Variants in ADGRL2 observed in about 807,000 individuals in gnomAD.
The protein encoded by ADGRL2 is adhesion G protein-coupled receptor L2.
In ADGRL2, 44 loss-of-function variants were observed where a neutral mutation model predicts 157.4. The ratio of observed to expected loss-of-function variants is 0.28; its 90% CI spans 0.22 to 0.36. The LOEUF is 0.36. ADGRL2 is among the 10% of genes least tolerant of loss of function. The pLI, the probability that ADGRL2 is intolerant of heterozygous loss-of-function variation, is 1.00. For synonymous variants in ADGRL2, 585 were observed against 624.7 expected (o/e 0.94, Z 0.95); for missense variants, 1,510 against 1,768.9 (o/e 0.85, Z 2.63).
chr1:81,338,228 TG>T (rs549845694), intron 1 of ADGRL2, among the ~76,000 whole-genome samples: 224 of 152,010 alleles, frequency 1.5e-3, no homozygotes, highest in Non-Finnish European at 2.3e-3. Flanking sequence ...CTGGACTCTG[TG>T]GTGCCAGCTT....
At chr1:81,426,943 A>G in intron 1 of ADGRL2, 1 of 723,210 alleles carries the variant, frequency 1.4e-6, no homozygotes, top group South Asian at 1.4e-5. Context: ...GACAGAGTGA[A>G]AAAAAGGAAG....
intron 3 of ADGRL2, among the ~76,000 whole-genome samples, chr1:81,597,189 T>A (rs1327537336): frequency 1.3e-5 from 2 of 152,156 alleles, no homozygotes; most frequent in African/African-American, 4.8e-5. Context: ...GAGAGGATTA[T>A]GTGGGTGTTG....
chr1:81,714,033 G>T (rs1470775384), intron 1 of ADGRL2, among the ~76,000 whole-genome samples: 2 of 152,152 alleles, frequency 1.3e-5, no homozygotes, highest in African/African-American at 4.8e-5. Context: ...GTGTGTGCAG[G>T]GGAACTGCCC....
chr1:81,323,167 A>G (rs1660651525), intron 1 of ADGRL2, among the ~76,000 whole-genome samples: 1 of 151,976 alleles, frequency 6.6e-6, no homozygotes, highest in African/African-American at 2.4e-5. Flanking sequence ...CTATAAACAT[A>G]TATTAATTGC....
At chr1:81,446,928 G>T (rs2077607803) in intron 2 of ADGRL2, among the ~76,000 whole-genome samples, 1 of 152,060 alleles carries the variant, frequency 6.6e-6, no homozygotes, top group Non-Finnish European at 1.5e-5. Context: ...TAACTAAAAT[G>T]TGGAAAATGG....
At chr1:81,405,061 TTGGAAGTTATTATGTTGACTTA>T (rs968533186) in intron 1 of ADGRL2, among the ~76,000 whole-genome samples, 5 of 152,212 alleles carry the variant, frequency 3.3e-5, no homozygotes, top group Admixed American at 6.5e-5. Flanking sequence ...TCTTCTCCAC[TTGGAAGTTATTATGTTGACTTA>T]TGGAACAGAG....
chr1:81,761,442 C>T, intron 1 of ADGRL2, among the ~76,000 whole-genome samples: 1 of 151,896 alleles, frequency 6.6e-6, no homozygotes, highest in East Asian at 1.9e-4. Context: ...TGTGAGAAAA[C>T]CATATTTTCC....
chr1:81,949,790 C>G (rs560823952), intron 6 of ADGRL2, among the ~76,000 whole-genome samples: 1 of 152,188 alleles, frequency 6.6e-6, no homozygotes, highest in South Asian at 2.1e-4. Context: ...TTTGTTAATG[C>G]TTTGAATTTG....
At chr1:81,900,462 A>T (rs151129747) in intron 2 of ADGRL2, among the ~76,000 whole-genome samples, 1,715 of 152,230 alleles carry the variant, frequency 0.011, 27 homozygotes, top group South Asian at 0.06. Context: ...TGCCATGAAG[A>T]GCTGACATGA....
rs746256625 is a variant in ADGRL2 at position 81,971,892 on chromosome 1, A to C, written c.2995A>C (p.Ile999Leu). 6.2e-7 allele frequency: 1 copy of C among 1,611,810 alleles called. No homozygotes were observed. The highest frequency in any genetic ancestry group is 1.3e-5 in the African/African-American group (1 of 74,962). The change falls in exon 17 of 24, where the codon ATT (isoleucine) becomes CTT (leucine). Residue 999 changes from isoleucine to leucine, a missense_variant. Physicochemically the swap from Ile to Leu is conservative, Grantham distance 5 (BLOSUM62 2). Transcript: ENST00000686636. ...HVDNYFIWSF[I>L]GPVTFIILLN... ...TGATAACTACTTTATATGGAGCTTC[A>C]TTGGACCTGTTACCTTCATTATTCT...
chr1:81,518,527 G>A, intron 2 of ADGRL2, among the ~76,000 whole-genome samples: 1 of 152,212 alleles, frequency 6.6e-6, no homozygotes, highest in Non-Finnish European at 1.5e-5. Context: ...CTGACTTGAT[G>A]TTAAGATAGC....
intron 2 of ADGRL2, among the ~76,000 whole-genome samples, chr1:81,885,063 A>G (rs1210469335): frequency 6.6e-6 from 1 of 152,208 alleles, no homozygotes; most frequent in Non-Finnish European, 1.5e-5. Flanking sequence ...AGTTAGAGAC[A>G]TAAAATTGCC....
chr1:81,528,510 T>G (rs922475579), intron 2 of ADGRL2, among the ~76,000 whole-genome samples: 4 of 151,534 alleles, frequency 2.6e-5, no homozygotes, highest in African/African-American at 9.7e-5. Flanking sequence ...AGCCGGGCGC[T>G]GTGGCAGGCG....
intron 1 of ADGRL2, among the ~76,000 whole-genome samples, chr1:81,365,145 A>G (rs539782773): frequency 1.6e-4 from 25 of 152,252 alleles, no homozygotes; most frequent in African/African-American, 6.0e-4. Context: ...AGGACATTCC[A>G]TCAAAGAGGA....
At chr1:81,985,467 C>A in intron 21 of ADGRL2, 112 bp downstream of exon 21, 1 of 544,408 alleles carries the variant, frequency 1.8e-6, no homozygotes, top group Non-Finnish European at 3.3e-6. Flanking sequence ...TAACAGGATG[C>A]GGCTCGAAGG....
chr1:81,588,618 A>C (rs1220260694), intron 3 of ADGRL2, among the ~76,000 whole-genome samples: 1 of 152,090 alleles, frequency 6.6e-6, no homozygotes, highest in Admixed American at 6.6e-5. Context: ...CCACATTCTC[A>C]TAACTTAGGA....
At chr1:81,804,227 C>G (rs530246717) in intron 1 of ADGRL2, among the ~76,000 whole-genome samples, 6 of 152,200 alleles carry the variant, frequency 3.9e-5, no homozygotes, top group African/African-American at 1.4e-4. Context: ...TGTTGTCTCT[C>G]CCTCCACCCT....
chr1:81,928,559 A>T (rs917124419), intron 3 of ADGRL2, among the ~76,000 whole-genome samples: 1 of 151,990 alleles, frequency 6.6e-6, no homozygotes. Context: ...TAGTTTCTAA[A>T]TTTTTAAAAC....
chr1:81,644,222 A>C (rs1239333075), intron 3 of ADGRL2, among the ~76,000 whole-genome samples: 1 of 152,222 alleles, frequency 6.6e-6, no homozygotes, highest in African/African-American at 2.4e-5. Context: ...AATTAACTCA[A>C]AATGGATCAT....
Sources: allele counts gnomAD v4.1 joint callset (sites outside exome capture counted in the v4.1 genomes callset), GRCh38; gene constraint gnomAD v4.1.1; transcripts MANE v1.5; gene names NCBI Gene and HGNC (gene_info 2026-07-23, HGNC 2026-07-21).